RYR3: variants seen among roughly 807,000 people sequenced by gnomAD.
The protein encoded by RYR3 is ryanodine receptor 3, also known as brain ryanodine receptor-calcium release channel.
A neutral mutation model predicts 584.3 loss-of-function variants in RYR3; 207 were observed. That is an observed-to-expected ratio of 0.35 (90% confidence interval 0.32 to 0.40). RYR3 has a LOEUF of 0.40. RYR3 is among the 10% of genes least tolerant of loss of function. The pLI is 1.00. For missense variants in RYR3, 5,616 were observed against 6,089.2 expected (o/e 0.92, Z 2.59); for synonymous variants, 2,416 against 2,248.5 (o/e 1.07, Z -2.11).
intron 1 of RYR3, among the ~76,000 whole-genome samples, chr15:33,413,031 A>G (rs1054990841): frequency 1.3e-5 from 2 of 152,206 alleles, no homozygotes; most frequent in African/African-American, 2.4e-5. Context: ...CCTGATAATT[A>G]GGATGATGTA....
intron 64 of RYR3, among the ~76,000 whole-genome samples, chr15:33,778,469 C>T (rs199697877): frequency 3.3e-5 from 5 of 152,266 alleles, no homozygotes; most frequent in African/African-American, 9.6e-5. Context: ...CAGTTGTCAC[C>T]GAGGGAATTG....
intron 12 of RYR3, among the ~76,000 whole-genome samples, chr15:33,574,594 C>G (rs1262922048): frequency 1.3e-5 from 2 of 152,172 alleles, no homozygotes; most frequent in Admixed American, 6.5e-5. Context: ...TATTCCTTCC[C>G]CATTGCATGC....
chr15:33,801,218 G>C (rs1049063160), intron 68 of RYR3, among the ~76,000 whole-genome samples: 3 of 152,194 alleles, frequency 2.0e-5, no homozygotes, highest in African/African-American at 7.2e-5. Flanking sequence ...TTGTCAATCA[G>C]AAAGAGTTAT....
At chr15:33,676,870 C>A (rs1354739160) in intron 38 of RYR3, among the ~76,000 whole-genome samples, 2 of 152,162 alleles carry the variant, frequency 1.3e-5, no homozygotes, top group Non-Finnish European at 2.9e-5. Flanking sequence ...TCTGTTGAAT[C>A]AATCATTGTC....
At chr15:33,796,945 G>A (rs553374600) in intron 67 of RYR3, among the ~76,000 whole-genome samples, 1 of 152,132 alleles carries the variant, frequency 6.6e-6, no homozygotes, top group African/African-American at 2.4e-5. Context: ...GGACAAAATC[G>A]TGTCTTTTAT....
At chr15:33,556,867 CT>C (rs1375129465) in intron 10 of RYR3, among the ~76,000 whole-genome samples, 1 of 151,434 alleles carries the variant, frequency 6.6e-6, no homozygotes, top group Non-Finnish European at 1.5e-5. Flanking sequence ...TTTCCCCAAA[CT>C]CCAATTGTAC....
Position 33,756,064 on chromosome 15 carries a change from G to A in RYR3, c.8516-242G>A, listed in dbSNP as rs115379730. Among the ~76,000 whole-genome samples, 597 of 152,266 alleles carry A rather than the reference G, an allele frequency of 3.9e-3. 8 individuals carry two copies. Among genetic ancestry groups the A allele is most frequent in the African/African-American group, 0.014 (572 of 41,560 alleles). On this transcript the variant is annotated intron_variant, in intron 58 of 103. Transcript: ENST00000634891. ...GTTGGGATTACAGGTGTTAGCCATCGCGCCCAGCCTTGAAGCTGCTTTCTG... is the reference window on the plus strand; with the variant it reads ...GTTGGGATTACAGGTGTTAGCCATCACGCCCAGCCTTGAAGCTGCTTTCTG...
In RYR3 at chr15:33,669,451, A is replaced by G; in HGVS notation, c.5717A>G (p.His1906Arg). ...LYDFHEDLLL[H>R]CGVPLEEEEE... ...GATTTCCATGAGGACCTTCTCCTTC[A>G]CTGTGGTAAGCTGCCCAGAGAAAGG... Residue 1906 changes from histidine (H) to arginine (R), a missense_variant, in exon 37 of 104, where the codon CAC (histidine) becomes CGC (arginine). By Grantham distance (29) the His-to-Arg change is conservative. This residue lies in a region of RYR3 where 1,280 missense variants were observed against 1,426.2 expected (regional missense o/e 0.90). Coordinates refer to ENST00000634891, the MANE Select transcript of RYR3 (RefSeq NM_001036.6). 1 of 1,613,650 alleles carries G rather than the reference A, an allele frequency of 6.2e-7. No homozygotes were observed. The highest frequency in any genetic ancestry group is 8.5e-7 in the Non-Finnish European group (1 of 1,179,616).
intron 12 of RYR3, among the ~76,000 whole-genome samples, chr15:33,568,436 A>G (rs2057833405): frequency 6.6e-6 from 1 of 152,026 alleles, no homozygotes; most frequent in Non-Finnish European, 1.5e-5. Flanking sequence ...TACAAAATTC[A>G]TCCTTTTAAA....
chr15:33,804,450 A>G (rs753691605), intron 69 of RYR3, among the ~76,000 whole-genome samples: 1 of 152,212 alleles, frequency 6.6e-6, no homozygotes, highest in Admixed American at 6.5e-5. Context: ...TACACCTTGC[A>G]TCATTCACTT....
chr15:33,435,599 C>T (rs905523998), intron 1 of RYR3, among the ~76,000 whole-genome samples: 1 of 152,164 alleles, frequency 6.6e-6, no homozygotes, highest in African/African-American at 2.4e-5. Flanking sequence ...CATATTGTGT[C>T]TCGCATTTAT....
chr15:33,831,105 A>C lies in RYR3; in HGVS notation c.11463+14A>C. On this transcript the variant is annotated intron_variant, in intron 86 of 103. Transcript: ENST00000634891. ...GAATACATCCAGGTATGTGCTACAG[A>C]GTGCATGGTTGAAAACAAAGAGAAC... The C allele has an allele frequency of 6.2e-7, 1 of 1,609,468 alleles. No individual in the cohort carries two copies. Among genetic ancestry groups the C allele is most frequent in the Non-Finnish European group, 8.5e-7 (1 of 1,178,616 alleles).
Position 33,566,696 on chromosome 15 carries a change from G to GGCCA in RYR3, c.1166_1169dup (p.His390GlnfsTer5). The GGCCA allele has an allele frequency of 1.9e-6, 3 of 1,613,664 alleles. No individual in the cohort carries two copies. Among genetic ancestry groups the GGCCA allele is most frequent in the Non-Finnish European group, 2.5e-6 (3 of 1,179,604 alleles). ...TGGGTAGGTCATACTCCATCAGGAA[G>GGCCA]GCCACATGGATGATGGATTAACACT... is the stretch of plus-strand genomic sequence containing the variant. On this transcript the variant is annotated frameshift_variant, in exon 12 of 104. Coordinates refer to ENST00000634891, the MANE Select transcript of RYR3 (RefSeq NM_001036.6). LOFTEE classifies it high-confidence loss of function.
chr15:33,566,566 G>C, intron 11 of RYR3, 112 bp from the exon 12 acceptor site: 1 of 1,181,296 alleles, frequency 8.5e-7, no homozygotes, highest in Non-Finnish European at 1.2e-6. Context: ...ACCCAAGAGA[G>C]CTTATTTGGA....
chr15:33,622,930 T>A (rs1176257366), intron 19 of RYR3, among the ~76,000 whole-genome samples: 1 of 152,230 alleles, frequency 6.6e-6, no homozygotes, highest in African/African-American at 2.4e-5. Context: ...AACTCTAACC[T>A]AACCCATATA....
chr15:33,362,743 T>G (rs1974954806), intron 1 of RYR3, among the ~76,000 whole-genome samples: 1 of 152,162 alleles, frequency 6.6e-6, no homozygotes, highest in African/African-American at 2.4e-5. Context: ...TGGAGAGCCC[T>G]TCCTTGAAAT....
At chr15:33,795,530 G>A (rs2075560203) in intron 67 of RYR3, among the ~76,000 whole-genome samples, 1 of 151,820 alleles carries the variant, frequency 6.6e-6, no homozygotes, top group Non-Finnish European at 1.5e-5. Context: ...AAGTAGCTGG[G>A]ATTACACACA....
chr15:33,669,404 G>A lies in RYR3; in HGVS notation c.5670G>A (p.Glu1890=), dbSNP rs775996456. 1.2e-6 allele frequency: 2 copies of A among 1,614,006 alleles called. No individual in the cohort carries two copies. Among genetic ancestry groups the A allele is most frequent in the East Asian group, 2.2e-5 (1 of 44,876 alleles). ...TGGGAGAGAACTGCCCCTGCCCAGA[G>A]GAGATTCGGGAGGAGCTGTATGATT... The part of the protein sequence containing the change: ...FQLGENCPCP[E]EIREELYDFH... The change falls in exon 37 of 104, where the codon GAG becomes GAA. Residue 1890 remains glutamate, a synonymous_variant. Coordinates refer to ENST00000634891, the MANE Select transcript of RYR3 (RefSeq NM_001036.6).
chr15:33,345,304 A>G (rs1972314690), intron 1 of RYR3, among the ~76,000 whole-genome samples: 1 of 152,184 alleles, frequency 6.6e-6, no homozygotes, highest in Non-Finnish European at 1.5e-5. Flanking sequence ...AAAGGACTAT[A>G]TAAGATATCA....
Sources: gnomAD v4.1 joint callset for allele counts (sites outside exome capture counted in the v4.1 genomes callset) on GRCh38, gnomAD v4.1.1 for gene constraint, gnomAD v4.1.1 regional missense constraint, MANE v1.5 for transcripts, NCBI Gene and HGNC (gene_info 2026-07-23, HGNC 2026-07-21) for gene names.